The following PDK1 variants were observed in gnomAD, a reference collection of about 807,000 sequenced individuals.
PDK1 encodes the protein pyruvate dehydrogenase kinase 1, also known as [Pyruvate dehydrogenase (acetyl-transferring)] kinase isozyme 1, mitochondrial.
Under a neutral mutation model 54.2 loss-of-function variants are expected in PDK1, and 39 were observed. The ratio of observed to expected loss-of-function variants is 0.72; its 90% CI spans 0.56 to 0.94. The LOEUF (loss-of-function observed/expected upper bound fraction) is 0.94. PDK1 is among the 40% of genes least tolerant of loss of function. The pLI is 0.00. For synonymous variants in PDK1, 221 were observed against 207.1 expected, an observed-to-expected ratio of 1.07 and a Z score of -0.58; for missense variants, 552 against 566.0, an observed-to-expected ratio of 0.98 and a Z score of 0.25.
At chr2:172,662,493 C>CATGTGTGTGTGTGTGTGT in the PDK1 span, among the ~76,000 whole-genome samples, 3 of 143,500 alleles carry the variant, frequency 2.1e-5, no homozygotes, top group African/African-American at 7.7e-5. Context: ...TTTTTAAAAT[C>CATGTGTGTGTGTGTGTGT]GTGTGTGTGT....
the PDK1 span, among the ~76,000 whole-genome samples, chr2:172,669,121 G>T: frequency 7.4e-6 from 1 of 134,420 alleles, no homozygotes; most frequent in Non-Finnish European, 1.5e-5. Flanking sequence ...GTGCAGTGGC[G>T]CAATCTCGGC....
the PDK1 span, among the ~76,000 whole-genome samples, chr2:172,618,344 CAA>C: frequency 8.5e-4 from 129 of 152,164 alleles, no homozygotes; most frequent in East Asian, 7.7e-3. Context: ...AAGACAAAAA[CAA>C]GAGATCTTTT....
the PDK1 span, among the ~76,000 whole-genome samples, chr2:172,636,092 T>A: frequency 2.0e-5 from 3 of 152,158 alleles, no homozygotes; most frequent in African/African-American, 7.2e-5. Flanking sequence ...GGCCTCTCCA[T>A]GTCAGCACAC....
Position 172,570,744 on chromosome 2 carries a change from A to G in PDK1, c.865A>G (p.Met289Val), listed in dbSNP as rs200446159. The change falls in exon 8 of 11, where the codon ATG (methionine) becomes GTG (valine). Residue 289 changes from methionine to valine, a missense_variant. Met to Val is a conservative substitution (Grantham distance 21, BLOSUM62 1). Coordinates refer to ENST00000282077, the MANE Select transcript of PDK1 (RefSeq NM_002610.5). ...ATTTCAGAATGCAATGAGAGCCACT[A>G]TGGAACACCATGCCAACAGAGGTGT... ...ELFKNAMRATMEHHANRGVYP... is the reference protein window; with the variant it reads ...ELFKNAMRATVEHHANRGVYP... The G allele has an allele frequency of 3.4e-5, 55 of 1,606,246 alleles. No individual in the cohort carries two copies. The highest frequency in any genetic ancestry group is 4.4e-5 in the South Asian group (4 of 90,742).
the PDK1 span, among the ~76,000 whole-genome samples, chr2:172,642,908 C>A: frequency 6.6e-6 from 1 of 151,924 alleles, no homozygotes; most frequent in Non-Finnish European, 1.5e-5. Flanking sequence ...TCTTTTTCTC[C>A]TCTTTCTCCT....
chr2:172,654,893 G>A, the PDK1 span, among the ~76,000 whole-genome samples: 3 of 152,144 alleles, frequency 2.0e-5, no homozygotes. Context: ...TTACCTAATA[G>A]CGGGCAGAGA....
At chr2:172,697,232 C>G in the PDK1 span, among the ~76,000 whole-genome samples, 42 of 152,212 alleles carry the variant, frequency 2.8e-4, no homozygotes, top group African/African-American at 9.9e-4. Context: ...ATCACTAAGT[C>G]AAGAAATAAT....
chr2:172,575,807 T>A (rs1304078088), intron 8 of PDK1, among the ~76,000 whole-genome samples: 2 of 152,094 alleles, frequency 1.3e-5, no homozygotes, highest in African/African-American at 2.4e-5. Flanking sequence ...GGGTGACAGA[T>A]CAAGACTCTT....
chr2:172,661,721 G>A, the PDK1 span, among the ~76,000 whole-genome samples: 1 of 152,116 alleles, frequency 6.6e-6, no homozygotes, highest in South Asian at 2.1e-4. Context: ...AACCAATACA[G>A]CATGTAACTT....
chr2:172,647,157 A>T, the PDK1 span, among the ~76,000 whole-genome samples: 3 of 152,118 alleles, frequency 2.0e-5, no homozygotes, highest in Non-Finnish European at 4.4e-5. Context: ...TGATTTCCAA[A>T]CATGGACGAG....
the PDK1 span, among the ~76,000 whole-genome samples, chr2:172,662,003 G>T: frequency 6.6e-6 from 1 of 152,166 alleles, no homozygotes; most frequent in Admixed American, 6.5e-5. Context: ...AAATGTTAAT[G>T]CAGATTATAC....
At chr2:172,665,578 C>G in the PDK1 span, among the ~76,000 whole-genome samples, 1 of 152,170 alleles carries the variant, frequency 6.6e-6, no homozygotes, top group African/African-American at 2.4e-5. Context: ...TTGCTGTTGC[C>G]TGAGCCTACC....
At chr2:172,581,677 G>C (rs1249570528) in intron 8 of PDK1, among the ~76,000 whole-genome samples, 1 of 152,034 alleles carries the variant, frequency 6.6e-6, no homozygotes. Flanking sequence ...TTCTTCAGTC[G>C]AGCTTTGATC....
the PDK1 span, among the ~76,000 whole-genome samples, chr2:172,646,016 G>A: frequency 6.6e-6 from 1 of 152,156 alleles, no homozygotes; most frequent in African/African-American, 2.4e-5. Flanking sequence ...TTATAAACAT[G>A]TACCTTTAAC....
intron 10 of PDK1, among the ~76,000 whole-genome samples, chr2:172,595,122 G>A (rs1690818960): frequency 6.6e-6 from 1 of 152,136 alleles, no homozygotes; most frequent in Admixed American, 6.5e-5. Flanking sequence ...AGGCCGGAGT[G>A]CAGTGGTACA....
chr2:172,558,163 A>C (rs1160367898), intron 1 of PDK1: 1 of 152,256 alleles, frequency 6.6e-6, no homozygotes, highest in Non-Finnish European at 1.5e-5. Context: ...AAGGCTGGTC[A>C]AGTTAAGCAG....
In PDK1 at chr2:172,605,338, C is replaced by CTA. The variant is rs1691252266; in HGVS notation, c.*9370_*9371dup. The CTA allele has an allele frequency of 6.7e-6, 1 of 149,584 alleles. No homozygotes were observed. The highest frequency in any genetic ancestry group is 2.0e-4 in the East Asian group (1 of 5,068). The allele number at this position is 149,584 out of a possible 1,614,324, so 9.3% of individuals were successfully genotyped here. A position where few individuals can be genotyped will look rare whatever the true frequency, so the allele number is the denominator to read the frequency against. On this transcript the variant is annotated 3_prime_UTR_variant, in exon 11 of 11. Transcript: ENST00000282077. ...CTTAAAGATATGTGAGTGGAGCTAA[C>CTA]TAGACTGTCCAGGTTTGGTCTACAC...
the PDK1 span, among the ~76,000 whole-genome samples, chr2:172,693,014 C>T: frequency 4.6e-5 from 7 of 152,356 alleles, no homozygotes; most frequent in South Asian, 1.4e-3. Context: ...TTAGCACCCA[C>T]TGGGTGGTGT....
chr2:172,573,457 TTCTC>T (rs1262891448), intron 8 of PDK1, among the ~76,000 whole-genome samples: 2 of 152,036 alleles, frequency 1.3e-5, no homozygotes, highest in African/African-American at 2.4e-5. Context: ...GTTGTAACGG[TTCTC>T]TCTCATGTAT....
Sources: gnomAD v4.1 joint callset for allele counts (sites outside exome capture counted in the v4.1 genomes callset) on GRCh38, gnomAD v4.1.1 for gene constraint, MANE v1.5 for transcripts, NCBI Gene and HGNC (gene_info 2026-07-23, HGNC 2026-07-21) for gene names.